Variants in LRIG1 observed in about 807,000 individuals in gnomAD.
LRIG1 encodes the protein leucine rich repeats and immunoglobulin like domains 1.
Under a neutral mutation model 99.2 loss-of-function variants are expected in LRIG1, and 48 were observed. The observed-to-expected ratio is 0.48, with a 90% CI of 0.38 to 0.62. The LOEUF (loss-of-function observed/expected upper bound fraction) is 0.62, where lower values mean the gene tolerates loss of function less well. LRIG1 is among the 20% of genes least tolerant of loss of function. LRIG1 has a pLI of 0.00. For synonymous variants in LRIG1, 772 were observed against 596.1 expected (o/e 1.29, Z -4.30); for missense variants, 1,646 against 1,434.4 (o/e 1.15, Z -2.38).
At chr3:66,395,951 G>T (rs531676555) in intron 11 of LRIG1, among the ~76,000 whole-genome samples, 4 of 152,352 alleles carry the variant, frequency 2.6e-5, no homozygotes, top group Admixed American at 1.3e-4. Flanking sequence ...GGCCATCCCT[G>T]TGCGACGTTA....
intron 12 of LRIG1, chr3:66,387,136 CTG>C (rs903002710): frequency 6.6e-6 from 1 of 150,576 alleles, no homozygotes. Flanking sequence ...TCAGTAGCCA[CTG>C]TTCAACAGCG....
intron 2 of LRIG1, among the ~76,000 whole-genome samples, chr3:66,461,405 T>C (rs1700351571): frequency 2.0e-5 from 3 of 152,168 alleles, no homozygotes; most frequent in Non-Finnish European, 4.4e-5. Flanking sequence ...CTAATAAAAA[T>C]AATAATGAAG....
At chr3:66,462,363 A>G (rs1374282602) in intron 2 of LRIG1, 75 bp downstream of exon 2, 4 of 1,052,578 alleles carry the variant, frequency 3.8e-6, no homozygotes, top group Non-Finnish European at 5.9e-6. Context: ...GGAGTGAGCG[A>G]TGCTGCAATA....
intron 8 of LRIG1, among the ~76,000 whole-genome samples, chr3:66,407,145 G>A (rs1035318293): frequency 2.6e-5 from 4 of 152,236 alleles, no homozygotes; most frequent in Non-Finnish European, 5.9e-5. Flanking sequence ...ACCATCCTGG[G>A]GAAATGAGAG....
chr3:66,418,060 G>GT lies in LRIG1; in HGVS notation c.366-795dup, dbSNP rs1321576159. Among the ~76,000 whole-genome samples, 9 of 152,106 alleles carry GT rather than the reference G, an allele frequency of 5.9e-5. 1 individual carries two copies. The highest frequency in any genetic ancestry group is 5.9e-4 in the Admixed American group (9 of 15,282). On this transcript the variant is annotated intron_variant, in intron 3 of 18. Transcript: ENST00000273261. The stretch of plus-strand genomic sequence containing the variant: ...GGTCACCACCTCCCAAGACAGGAAT[G>GT]TTCCACTGTAACTTGTGTTTTTTTT...
Position 66,383,282 on chromosome 3 carries a change from G to T in LRIG1, c.2191C>A (p.Arg731Ser). 6.2e-7 allele frequency: 1 copy of T among 1,613,736 alleles called. No individual in the cohort carries two copies. The highest frequency in any genetic ancestry group is 1.1e-5 in the South Asian group (1 of 91,070). Residue 731 changes from arginine (R) to serine (S), a missense_variant, in exon 15 of 19, where the codon CGC (arginine) becomes AGC (serine). By Grantham distance (110) the Arg-to-Ser change is moderately radical (BLOSUM62 -1). Transcript: ENST00000273261. ...PPRITWFKGD[R>S]PLSLTERHHL... ...TGCCGCTCAGTGAGGCTCAGCGGGC[G>T]GTCCCCCTTGAACCAGGTGATGCGG... is the stretch of plus-strand genomic sequence containing the variant.
At chr3:66,452,872 T>G (rs147983017) in intron 2 of LRIG1, among the ~76,000 whole-genome samples, 11 of 152,348 alleles carry the variant, frequency 7.2e-5, no homozygotes, top group African/African-American at 2.6e-4. Flanking sequence ...AATAGCTTCA[T>G]GGCTGAAGCA....
intron 1 of LRIG1, among the ~76,000 whole-genome samples, chr3:66,494,627 A>C (rs1280156252): frequency 6.6e-6 from 1 of 152,286 alleles, no homozygotes; most frequent in Non-Finnish European, 1.5e-5. Context: ...TAAAGTACTT[A>C]GGTAAAAACC....
Position 66,430,022 on chromosome 3 carries a change from T to C in LRIG1, c.366-12756A>G, listed in dbSNP as rs546541569. On this transcript the variant is annotated intron_variant, in intron 3 of 18. Transcript: ENST00000273261. ...TTTTAGTCTATCGTATTGACTGCTA[T>C]AGCCTTAGCCCCCAGAATAACGCTT... is the stretch of plus-strand genomic sequence containing the variant. Among the ~76,000 whole-genome samples, 5 of 152,360 alleles carry C rather than the reference T, an allele frequency of 3.3e-5. No individual in the cohort carries two copies. In the South Asian group the frequency reaches 1.0e-3, roughly 32 times the overall value.
intron 1 of LRIG1, among the ~76,000 whole-genome samples, chr3:66,486,023 G>GC (rs1700966344): frequency 6.6e-6 from 1 of 152,124 alleles, no homozygotes; most frequent in African/African-American, 2.4e-5. Context: ...ATTCTAACTG[G>GC]CAAGTGCTAG....
intron 3 of LRIG1, among the ~76,000 whole-genome samples, chr3:66,441,647 G>T (rs1703544643): frequency 6.6e-6 from 1 of 152,134 alleles, no homozygotes; most frequent in African/African-American, 2.4e-5. Flanking sequence ...GCATTTGCAG[G>T]GTAGGAGCCT....
intron 12 of LRIG1, among the ~76,000 whole-genome samples, chr3:66,390,934 C>A (rs1023613799): frequency 6.6e-6 from 1 of 151,958 alleles, no homozygotes; most frequent in African/African-American, 2.4e-5. Flanking sequence ...GTCTCATATC[C>A]AGAATACATA....
intron 2 of LRIG1, among the ~76,000 whole-genome samples, chr3:66,461,186 T>G (rs1020889804): frequency 6.6e-6 from 1 of 152,118 alleles, no homozygotes. Context: ...ACACCTGTAG[T>G]CCCAGCTACT....
intron 1 of LRIG1, among the ~76,000 whole-genome samples, chr3:66,468,340 A>G (rs1700521362): frequency 6.6e-6 from 1 of 152,226 alleles, no homozygotes. Flanking sequence ...CTCACTGTGA[A>G]GAGGAGCGCA....
chr3:66,487,911 G>GTTCCA (rs749493607), intron 1 of LRIG1, among the ~76,000 whole-genome samples: 1 of 152,158 alleles, frequency 6.6e-6, no homozygotes, highest in Non-Finnish European at 1.5e-5. Context: ...CTGTCAAGAA[G>GTTCCA]TTCCAGACCA....
At chr3:66,497,011 C>T (rs569177278) in intron 1 of LRIG1, among the ~76,000 whole-genome samples, 61 of 152,338 alleles carry the variant, frequency 4.0e-4, no homozygotes, top group African/African-American at 1.5e-3. Flanking sequence ...TTTAAGCTAA[C>T]TGATCTGGTA....
chr3:66,429,287 A>T (rs1268790396), intron 3 of LRIG1, among the ~76,000 whole-genome samples: 1 of 152,184 alleles, frequency 6.6e-6, no homozygotes, highest in Non-Finnish European at 1.5e-5. Flanking sequence ...GAAACGAAAA[A>T]ATCTAGGTAC....
chr3:66,405,325 G>T, intron 8 of LRIG1, 47 bp from the exon 9 acceptor site: 1 of 1,486,158 alleles, frequency 6.7e-7, no homozygotes, highest in Non-Finnish European at 9.4e-7. Context: ...GGGGCGTGAA[G>T]GGAAAGCAAA....
chr3:66,439,560 A>G (rs535367694), intron 3 of LRIG1, among the ~76,000 whole-genome samples: 20 of 146,214 alleles, frequency 1.4e-4, no homozygotes, highest in Non-Finnish European at 2.3e-4. Flanking sequence ...TCATCTATTT[A>G]CTTTTTTTTT....
Sources: allele counts gnomAD v4.1 joint callset (sites outside exome capture counted in the v4.1 genomes callset), GRCh38; gene constraint gnomAD v4.1.1; transcripts MANE v1.5; gene names NCBI Gene and HGNC (gene_info 2026-07-23, HGNC 2026-07-21).